The following EPHA5 variants were observed in gnomAD, a reference collection of about 807,000 sequenced individuals.
The protein encoded by EPHA5 is EPH receptor A5.
EPHA5 carries 60 observed loss-of-function variants against 105.0 expected under a neutral mutation model. The observed-to-expected ratio is 0.57, with a 90% confidence interval of 0.46 to 0.71. The LOEUF (loss-of-function observed/expected upper bound fraction) is 0.71. Ranked by LOEUF, EPHA5 falls within the 30% of genes least tolerant of loss-of-function variation. The pLI, the probability that EPHA5 is intolerant of heterozygous loss-of-function variation, is 0.00. For missense variants in EPHA5, 1,218 were observed against 1,274.7 expected (o/e 0.96, Z 0.68); for synonymous variants, 513 against 449.1 (o/e 1.14, Z -1.80).
chr4:65,502,873 C>A (rs1191493878), intron 3 of EPHA5, among the ~76,000 whole-genome samples: 1 of 151,646 alleles, frequency 6.6e-6, no homozygotes, highest in South Asian at 2.1e-4. Flanking sequence ...AGGTTTCCAC[C>A]AATGGTGGAC....
chr4:65,631,649 G>A (rs927127714), intron 2 of EPHA5, among the ~76,000 whole-genome samples: 2 of 149,476 alleles, frequency 1.3e-5, no homozygotes, highest in African/African-American at 4.9e-5. Context: ...ATACTTTCTT[G>A]AGGAAGTAAT....
At chr4:65,480,117 A>C (rs1201855468) in intron 5 of EPHA5, among the ~76,000 whole-genome samples, 1 of 152,148 alleles carries the variant, frequency 6.6e-6, no homozygotes, top group Non-Finnish European at 1.5e-5. Flanking sequence ...AAAGGAGACA[A>C]GGAAAGAAGG....
chr4:65,661,774 C>T (rs1228994152), intron 1 of EPHA5, among the ~76,000 whole-genome samples: 1 of 152,002 alleles, frequency 6.6e-6, no homozygotes, highest in Non-Finnish European at 1.5e-5. Context: ...ACTGAGTTTG[C>T]CTTTCCATAG....
intron 2 of EPHA5, among the ~76,000 whole-genome samples, chr4:65,639,715 A>G (rs1217890861): frequency 1.3e-5 from 2 of 152,000 alleles, no homozygotes; most frequent in African/African-American, 4.8e-5. Flanking sequence ...GACTCCCATT[A>G]TATCTGTGTT....
chr4:65,442,142 C>G (rs1019498625), intron 5 of EPHA5, among the ~76,000 whole-genome samples: 1 of 151,968 alleles, frequency 6.6e-6, no homozygotes, highest in African/African-American at 2.4e-5. Flanking sequence ...GCCACAACAC[C>G]CCATCCAAAT....
intron 16 of EPHA5, chr4:65,330,757 A>G: frequency 9.8e-7 from 1 of 1,019,752 alleles, no homozygotes. Flanking sequence ...GTTTAAATAT[A>G]GCACAAATGG....
At chr4:65,485,314 A>G (rs944028913) in intron 5 of EPHA5, among the ~76,000 whole-genome samples, 2 of 151,780 alleles carry the variant, frequency 1.3e-5, no homozygotes, top group African/African-American at 4.8e-5. Context: ...ATTATGTAAC[A>G]TCTACTTTTT....
Position 65,365,111 on chromosome 4 carries a change from A to G in EPHA5, c.2079T>C (p.Thr693=), listed in dbSNP as rs546645258. 3 of 1,611,940 alleles carry G rather than the reference A, an allele frequency of 1.9e-6. No homozygotes were observed. Among genetic ancestry groups the G allele is most frequent in the South Asian group, 2.2e-5 (2 of 91,024 alleles). ...VAIKTLKVGY[T]EKQRRDFLGE... ...CTAGGAAATCTCTGCGTTGCTTTTCAGTATAGCCTACTTTAAGGGTTTTGA... is the reference window on the plus strand; with the variant it reads ...CTAGGAAATCTCTGCGTTGCTTTTCGGTATAGCCTACTTTAAGGGTTTTGA... The change falls in exon 11 of 17, where the codon ACT becomes ACC. Residue 693 remains threonine, a synonymous_variant. Coordinates refer to ENST00000613740, the MANE Select transcript of EPHA5 (RefSeq NM_001281766.3).
chr4:65,333,565 G>C (rs1286875113), intron 15 of EPHA5, among the ~76,000 whole-genome samples: 5 of 128,464 alleles, frequency 3.9e-5, no homozygotes, highest in Non-Finnish European at 8.2e-5. Flanking sequence ...GTGTGTGTGT[G>C]TGTGTGTGTG....
At chr4:65,477,828 A>C (rs752225590) in intron 5 of EPHA5, among the ~76,000 whole-genome samples, 21 of 152,188 alleles carry the variant, frequency 1.4e-4, no homozygotes, top group Admixed American at 6.5e-5. Flanking sequence ...TGCAGCACAC[A>C]ATTAGTGCTG....
At chr4:65,425,769 A>G (rs1313648812) in intron 5 of EPHA5, among the ~76,000 whole-genome samples, 1 of 151,942 alleles carries the variant, frequency 6.6e-6, no homozygotes, top group African/African-American at 2.4e-5. Context: ...TATCCTAATC[A>G]TTGTTAGCAA....
At chr4:65,659,553 G>A (rs1022193704) in intron 1 of EPHA5, among the ~76,000 whole-genome samples, 1 of 151,894 alleles carries the variant, frequency 6.6e-6, no homozygotes. Context: ...CTATGACTAA[G>A]TATGAGAGGA....
rs190663625 is a variant in EPHA5 at position 65,603,117 on chromosome 4, T to C, written c.247-813A>G. Among the ~76,000 whole-genome samples the C allele has an allele frequency of 2.8e-4, 43 of 152,228 alleles. No homozygotes were observed. In the East Asian group the frequency reaches 7.9e-3, roughly 28 times the overall value. ...AGGCATTATTTTATGCATATGGCCT[T>C]AAGAGTTCTGAAGATATACAGGACG... On this transcript the variant is annotated intron_variant, in intron 2 of 16. Coordinates refer to ENST00000613740, the MANE Select transcript of EPHA5 (RefSeq NM_001281766.3).
intron 5 of EPHA5, among the ~76,000 whole-genome samples, chr4:65,477,952 T>G (rs4637457): frequency 0.41 from 62,553 of 152,032 alleles, 13,154 homozygotes; most frequent in Middle Eastern, 0.48. Flanking sequence ...GGCAAGACTC[T>G]AAAGTCATTG....
chr4:65,518,257 T>G (rs1033108065), intron 3 of EPHA5, among the ~76,000 whole-genome samples: 4 of 152,026 alleles, frequency 2.6e-5, no homozygotes, highest in African/African-American at 9.7e-5. Flanking sequence ...TTTTATTATC[T>G]TTTTCTTTAT....
chr4:65,627,162 T>C (rs1387784841), intron 2 of EPHA5, among the ~76,000 whole-genome samples: 2 of 152,218 alleles, frequency 1.3e-5, no homozygotes, highest in African/African-American at 4.8e-5. Flanking sequence ...AAAAACTCTT[T>C]CTACACTTAT....
At chr4:65,465,322 G>C (rs1728508660) in intron 5 of EPHA5, among the ~76,000 whole-genome samples, 1 of 151,574 alleles carries the variant, frequency 6.6e-6, no homozygotes, top group Non-Finnish European at 1.5e-5. Context: ...TGTAATCCCA[G>C]GTACTAGGTA....
rs188492012 is a variant in EPHA5, at chr4:65,594,387, T to A, written c.910+7254A>T. ...AAACTCAAGTCCATTAATGTTAAGA[T>A]TCATTTTCACGGTAACAATATGGAA... On this transcript the variant is annotated intron_variant, in intron 3 of 16. Transcript: ENST00000613740. Among the ~76,000 whole-genome samples, 148 of 152,282 alleles carry A rather than the reference T, an allele frequency of 9.7e-4. 4 individuals carry two copies. In the East Asian group the frequency reaches 0.025, roughly 25 times the overall value.
chr4:65,331,732 T>C, intron 16 of EPHA5: 1 of 1,204,240 alleles, frequency 8.3e-7, no homozygotes, highest in Non-Finnish European at 1.0e-6. Flanking sequence ...CAAGGAGCTG[T>C]TATTCCAATT....
Sources: gnomAD v4.1 joint callset for allele counts (sites outside exome capture counted in the v4.1 genomes callset) on GRCh38, gnomAD v4.1.1 for gene constraint, MANE v1.5 for transcripts, NCBI Gene and HGNC (gene_info 2026-07-23, HGNC 2026-07-21) for gene names.